The following UNC45B variants were observed in gnomAD, a reference collection of about 807,000 sequenced individuals.
The protein encoded by UNC45B is unc-45 myosin chaperone B, also known as protein unc-45 homolog B.
In UNC45B, 78 loss-of-function variants were observed where a neutral mutation model predicts 98.7. That is an observed-to-expected ratio of 0.79 (90% CI 0.66 to 0.95). The LOEUF is 0.95. Ranked by LOEUF, UNC45B falls within the 40% of genes least tolerant of loss-of-function variation. The pLI, the probability that UNC45B is intolerant of heterozygous loss-of-function variation, is 0.00. For missense variants in UNC45B, 1,225 were observed against 1,184.9 expected (o/e 1.03, Z -0.50); for synonymous variants, 462 against 480.4 (o/e 0.96, Z 0.50).
intron 7 of UNC45B, among the ~76,000 whole-genome samples, chr17:35,156,623 CT>C (rs1268455060): frequency 1.3e-5 from 2 of 150,154 alleles, no homozygotes; most frequent in Admixed American, 6.6e-5. Flanking sequence ...GAGACTCCGT[CT>C]CAAAAAAAAA....
intron 6 of UNC45B, 105 bp downstream of exon 6, chr17:35,154,846 A>C: frequency 9.4e-6 from 12 of 1,280,780 alleles, no homozygotes; most frequent in Non-Finnish European, 1.2e-5. Flanking sequence ...GAACCAGATA[A>C]AAAGTCAAAG....
chr17:35,152,098 T>C (rs563384416), intron 4 of UNC45B, among the ~76,000 whole-genome samples: 1 of 152,032 alleles, frequency 6.6e-6, no homozygotes, highest in East Asian at 1.9e-4. Flanking sequence ...ATAAAAAAAT[T>C]AGCTGGGCGT....
chr17:35,180,775 C>A, intron 18 of UNC45B, 99 bp downstream of exon 18: 1 of 802,802 alleles, frequency 1.2e-6, no homozygotes, highest in Admixed American at 2.6e-5. Flanking sequence ...CTTATGATGG[C>A]ATTAAGGTAG....
rs55844448 is a variant in UNC45B, at chr17:35,166,086, T to TAAAAAAAAAAAAAAAAAAAAAAA, written c.1151+1923_1151+1945dup. 4.7e-3 allele frequency among the ~76,000 whole-genome samples: 273 copies of TAAAAAAAAAAAAAAAAAAAAAAA among 58,076 alleles called. 8 individuals carry two copies. Among genetic ancestry groups the TAAAAAAAAAAAAAAAAAAAAAAA allele is most frequent in the Admixed American group, 5.8e-3 (22 of 3,818 alleles). The allele number at this position is 58,076 out of a possible 152,430, so 38.1% of individuals were successfully genotyped here. On this transcript the variant is annotated intron_variant, in intron 9 of 19. Transcript: ENST00000394570. ...GGCAATGTAGAGAGACCCTCATCTC[T>TAAAAAAAAAAAAAAAAAAAAAAA]AAAAAAAAAAAAAAAAAAAAAAAAA...
At chr17:35,173,820 T>TA (rs1567764889) in intron 13 of UNC45B, among the ~76,000 whole-genome samples, 1 of 151,326 alleles carries the variant, frequency 6.6e-6, no homozygotes, top group Non-Finnish European at 1.5e-5. Flanking sequence ...ATGGATTTTT[T>TA]TTTTTTTTTT....
chr17:35,168,008 T>C, intron 9 of UNC45B, 53 bp from the exon 10 acceptor site: 5 of 1,384,080 alleles, frequency 3.6e-6, no homozygotes, highest in Non-Finnish European at 4.7e-6. Context: ...AATCTCACAC[T>C]CTTTCCACTC....
Position 35,187,670 on chromosome 17 carries a change from G to A in UNC45B, c.*1111G>A, listed in dbSNP as rs999184311. On this transcript the variant is annotated 3_prime_UTR_variant, in exon 20 of 20. Transcript: ENST00000394570. ...ACATGGACTGATTAGGGGTATTAAT[G>A]GAAGAGGTGTGCCACCACAAAAGAA... 6.6e-6 allele frequency: 1 copy of A among 152,194 alleles called. No homozygotes were observed. The highest frequency in any genetic ancestry group is 2.1e-4 in the South Asian group (1 of 4,834). The allele number at this position is 152,194 out of a possible 1,614,324, so 9.4% of individuals were successfully genotyped here.
intron 5 of UNC45B, among the ~76,000 whole-genome samples, chr17:35,153,485 C>CA (rs2092035650): frequency 6.7e-6 from 1 of 148,852 alleles, no homozygotes; most frequent in African/African-American, 2.5e-5. Flanking sequence ...AACTTGTTAC[C>CA]TTTTTTTTTT....
rs938551066 is a variant in UNC45B, at chr17:35,176,926, A to G, written c.2026-91A>G. ...ACGGCAGAATTTTCCTGGACCTCCC[A>G]TGGGACAGACAGACAGCACCTGGAG... On this transcript the variant is annotated intron_variant, in intron 15 of 19. Transcript: ENST00000394570. 2.0e-5 allele frequency: 20 copies of G among 988,806 alleles called. No individual in the cohort carries two copies. The East Asian group carries it at 3.4e-4, about 17-fold the overall frequency. 61.3% of individuals were successfully genotyped at this position (988,806 alleles called of 1,614,324 possible).
intron 19 of UNC45B, among the ~76,000 whole-genome samples, chr17:35,184,139 A>G (rs2092289882): frequency 6.6e-6 from 1 of 152,170 alleles, no homozygotes; most frequent in Non-Finnish European, 1.5e-5. Flanking sequence ...AAATGTGGAC[A>G]TCTCAATTCA....
intron 15 of UNC45B, among the ~76,000 whole-genome samples, chr17:35,176,719 T>C (rs2092236454): frequency 6.6e-6 from 1 of 152,120 alleles, no homozygotes; most frequent in Non-Finnish European, 1.5e-5. Flanking sequence ...AAGGATTGAG[T>C]TTGGCTTGGG....
chr17:35,172,200 G>T (rs982996691), intron 13 of UNC45B, among the ~76,000 whole-genome samples: 1 of 151,490 alleles, frequency 6.6e-6, no homozygotes, highest in South Asian at 2.1e-4. Flanking sequence ...GCCCAATTTT[G>T]GAAAAATATG....
Position 35,155,287 on chromosome 17 carries a change from G to C in UNC45B, c.640-9G>C, listed in dbSNP as rs1567755427. On this transcript the variant is annotated splice_polypyrimidine_tract_variant and intron_variant, in intron 6 of 19. Transcript: ENST00000394570. ...AGGCAGCTGACCATGGTTCTTGCTG[G>C]GGTTCTAGGCCACAGTGATTCTGCA... 6.2e-7 allele frequency: 1 copy of C among 1,612,578 alleles called. No homozygotes were observed. The highest frequency in any genetic ancestry group is 8.5e-7 in the Non-Finnish European group (1 of 1,179,076).
intron 8 of UNC45B, among the ~76,000 whole-genome samples, chr17:35,161,550 C>T (rs2142549269): frequency 6.6e-6 from 1 of 152,190 alleles, no homozygotes; most frequent in South Asian, 2.1e-4. Flanking sequence ...TCTGTGTTGG[C>T]TCATCAGGCA....
chr17:35,148,946 G>GTCTCCT (rs1195533013), intron 2 of UNC45B, 27 bp from the exon 3 acceptor site: 3 of 1,613,840 alleles, frequency 1.9e-6, no homozygotes, highest in Non-Finnish European at 2.5e-6. Context: ...CATTAACCGA[G>GTCTCCT]TCTCCTTCTC....
intron 7 of UNC45B, among the ~76,000 whole-genome samples, chr17:35,158,383 G>A (rs1018312302): frequency 6.6e-6 from 1 of 152,168 alleles, no homozygotes; most frequent in Non-Finnish European, 1.5e-5. Flanking sequence ...AGAACATGGT[G>A]GCTGGATTCT....
In UNC45B at chr17:35,159,552, A is replaced by C. The variant is rs749061623; in HGVS notation, c.979+7A>C. The C allele has an allele frequency of 2.5e-6, 4 of 1,611,830 alleles. No individual in the cohort carries two copies. The East Asian group carries it at 8.9e-5, about 36-fold the overall frequency. On this transcript the variant is annotated splice_region_variant and intron_variant, in intron 8 of 19. Transcript: ENST00000394570. ...ATCTATGTGGTGGATAATGGTGAGA[A>C]GAGGGGAAGGTTTGGGGCTTGCTCA... is the stretch of plus-strand genomic sequence containing the variant.
intron 6 of UNC45B, 99 bp from the exon 7 acceptor site, chr17:35,155,197 T>C: frequency 4.2e-6 from 6 of 1,437,298 alleles, no homozygotes; most frequent in Middle Eastern, 5.1e-4. Context: ...CTCTACTGCA[T>C]GGGATAGGGT....
intron 6 of UNC45B, 21 bp downstream of exon 6, chr17:35,154,762 C>T (rs1210203849): frequency 1.3e-6 from 2 of 1,555,060 alleles, no homozygotes; most frequent in Non-Finnish European, 8.6e-7. Flanking sequence ...GGCTGTGGGG[C>T]ATGTGGAGCA....
Sources: allele counts gnomAD v4.1 joint callset (sites outside exome capture counted in the v4.1 genomes callset), GRCh38; gene constraint gnomAD v4.1.1; transcripts MANE v1.5; gene names NCBI Gene and HGNC (gene_info 2026-07-23, HGNC 2026-07-21).